The following LOC128706666 variants were observed in gnomAD, a reference collection of about 807,000 sequenced individuals.
the LOC128706666 span, among the ~76,000 whole-genome samples, chr20:10,432,533 C>T: frequency 6.6e-6 from 1 of 152,178 alleles, no homozygotes; most frequent in Non-Finnish European, 1.5e-5. Context: ...TGGGTCATGC[C>T]TGTAATCCCA....
the LOC128706666 span, among the ~76,000 whole-genome samples, chr20:10,421,317 T>C: frequency 1.3e-5 from 2 of 150,180 alleles, no homozygotes; most frequent in Non-Finnish European, 3.0e-5. Context: ...CTAGCTACTC[T>C]GGAGGCTGAG....
chr20:10,423,315 G>A, the LOC128706666 span, among the ~76,000 whole-genome samples: 3 of 152,096 alleles, frequency 2.0e-5, no homozygotes, highest in African/African-American at 7.2e-5. Flanking sequence ...GCTGCGTGGG[G>A]GGTGCTGAGG....
the LOC128706666 span, among the ~76,000 whole-genome samples, chr20:10,430,985 T>C: frequency 2.0e-5 from 3 of 152,216 alleles, no homozygotes; most frequent in Non-Finnish European, 4.4e-5. Context: ...AAATTAGTTA[T>C]GGTCTTGGAC....
the LOC128706666 span, among the ~76,000 whole-genome samples, chr20:10,425,091 GTTCTT>G: frequency 6.6e-6 from 1 of 151,402 alleles, no homozygotes; most frequent in Admixed American, 6.6e-5. Flanking sequence ...TAGCATTACT[GTTCTT>G]TTCTAATAAA....
chr20:10,427,087 G>C, the LOC128706666 span, among the ~76,000 whole-genome samples: 3,321 of 106,454 alleles, frequency 0.031, 113 homozygotes, highest in African/African-American at 0.11. Flanking sequence ...CACAAAGTAA[G>C]GTTAAGGGCA....
At chr20:10,422,530 T>C in the LOC128706666 span, among the ~76,000 whole-genome samples, 2 of 152,060 alleles carry the variant, frequency 1.3e-5, no homozygotes, top group Admixed American at 6.5e-5. Flanking sequence ...GCTACTTACT[T>C]ATAGGAGGGA....
At chr20:10,413,913 T>C in the LOC128706666 span, 11 of 416,266 alleles carry the variant, frequency 2.6e-5, no homozygotes, top group Admixed American at 4.0e-5. Flanking sequence ...GAAGCTCAGA[T>C]TCAAAGCTGC....
chr20:10,432,074 C>G, the LOC128706666 span, among the ~76,000 whole-genome samples: 1 of 152,220 alleles, frequency 6.6e-6, no homozygotes, highest in Admixed American at 6.5e-5. Flanking sequence ...CTGCCAGCCT[C>G]CGTCCATGAT....
At chr20:10,424,578 T>C in the LOC128706666 span, among the ~76,000 whole-genome samples, 1 of 151,990 alleles carries the variant, frequency 6.6e-6, no homozygotes, top group Non-Finnish European at 1.5e-5. Context: ...CATTGCTAGT[T>C]TTACAAAAAA....
chr20:10,417,212 C>A, the LOC128706666 span, among the ~76,000 whole-genome samples: 1 of 142,320 alleles, frequency 7.0e-6, no homozygotes, highest in Non-Finnish European at 1.5e-5. Flanking sequence ...CATCACCCAA[C>A]TGCAGCCTGG....
the LOC128706666 span, among the ~76,000 whole-genome samples, chr20:10,422,659 A>G: frequency 6.6e-6 from 1 of 152,026 alleles, no homozygotes; most frequent in Non-Finnish European, 1.5e-5. Flanking sequence ...TCAATACTTA[A>G]GGTGACTTTG....
At chr20:10,427,588 TC>T in the LOC128706666 span, among the ~76,000 whole-genome samples, 2 of 152,236 alleles carry the variant, frequency 1.3e-5, no homozygotes, top group Non-Finnish European at 2.9e-5. Flanking sequence ...TTTTTTATCC[TC>T]AATTTTTAAT....
the LOC128706666 span, among the ~76,000 whole-genome samples, chr20:10,421,463 G>C: frequency 1.3e-5 from 2 of 148,736 alleles, no homozygotes; most frequent in Non-Finnish European, 3.0e-5. Flanking sequence ...TTTAACAGAA[G>C]AATCAAACGG....
At chr20:10,431,364 C>T in the LOC128706666 span, among the ~76,000 whole-genome samples, 2 of 152,006 alleles carry the variant, frequency 1.3e-5, no homozygotes, top group African/African-American at 4.8e-5. Context: ...TAATTCTATC[C>T]AAATGCTCAC....
At chr20:10,421,834 C>T in the LOC128706666 span, among the ~76,000 whole-genome samples, 1 of 151,666 alleles carries the variant, frequency 6.6e-6, no homozygotes, top group Non-Finnish European at 1.5e-5. Context: ...CAGAAAGATG[C>T]TATGTTTGAT....
At chr20:10,419,126 T>C in the LOC128706666 span, among the ~76,000 whole-genome samples, 1 of 152,146 alleles carries the variant, frequency 6.6e-6, no homozygotes, top group Non-Finnish European at 1.5e-5. Context: ...GGCTTATAAA[T>C]AAGGAAAATC....
chr20:10,426,179 T>C, the LOC128706666 span, among the ~76,000 whole-genome samples: 4 of 152,256 alleles, frequency 2.6e-5, no homozygotes, highest in African/African-American at 9.6e-5. Context: ...ATTCTAAGAT[T>C]ACTGTCAGTT....
chr20:10,419,433 T>G, the LOC128706666 span, among the ~76,000 whole-genome samples: 243 of 152,166 alleles, frequency 1.6e-3, 1 homozygote, highest in Middle Eastern at 0.014. Flanking sequence ...CCAATAAAAT[T>G]TCTGCAGTGA....
the LOC128706666 span, among the ~76,000 whole-genome samples, chr20:10,426,898 T>C: frequency 5.3e-5 from 8 of 152,182 alleles, no homozygotes; most frequent in African/African-American, 1.7e-4. Context: ...CAGTTTTCTT[T>C]AATTTAGTTC....
Sources: allele counts gnomAD v4.1 joint callset (sites outside exome capture counted in the v4.1 genomes callset), GRCh38; gene constraint gnomAD v4.1.1; transcripts MANE v1.5.